The following ITGB6 variants were observed in gnomAD, a reference collection of about 807,000 sequenced individuals.
The protein encoded by ITGB6 is integrin subunit beta 6.
In ITGB6, 80 loss-of-function variants were observed where a neutral mutation model predicts 84.5. The observed-to-expected ratio is 0.95, with a 90% CI of 0.79 to 1.14. ITGB6 has a LOEUF of 1.14. Among genes scored for constraint, ITGB6 ranks in the 50% most tolerant of loss-of-function variants. The probability of loss-of-function intolerance (pLI) is 0.00; values close to 1 mark genes in which losing one functional copy is unlikely to be tolerated. For synonymous variants in ITGB6, 383 were observed against 354.9 expected, an observed-to-expected ratio of 1.08 and a Z score of -0.89; for missense variants, 1,006 against 968.0, an observed-to-expected ratio of 1.04 and a Z score of -0.52.
intron 12 of ITGB6, among the ~76,000 whole-genome samples, chr2:160,113,944 C>T (rs968362440): frequency 6.6e-6 from 1 of 152,150 alleles, no homozygotes; most frequent in African/African-American, 2.4e-5. Context: ...CTTTCCCCCT[C>T]TCTGTGGGAA....
chr2:160,187,522 T>C (rs946193606), intron 4 of ITGB6, among the ~76,000 whole-genome samples: 1 of 152,196 alleles, frequency 6.6e-6, no homozygotes, highest in African/African-American at 2.4e-5. Context: ...TTTCCAACTA[T>C]ATGTTTACAT....
chr2:160,174,772 A>G (rs1305449982), intron 4 of ITGB6, among the ~76,000 whole-genome samples: 1 of 152,244 alleles, frequency 6.6e-6, no homozygotes, highest in Non-Finnish European at 1.5e-5. Flanking sequence ...GAGTTCAGCC[A>G]CATCTTATTT....
intron 7 of ITGB6, among the ~76,000 whole-genome samples, chr2:160,146,080 T>A (rs2105830381): frequency 6.6e-6 from 1 of 152,308 alleles, no homozygotes; most frequent in South Asian, 2.1e-4. Context: ...TCAGTAGCCC[T>A]CATTTGATAT....
At chr2:160,114,062 T>C (rs775025724) in intron 12 of ITGB6, among the ~76,000 whole-genome samples, 1 of 152,054 alleles carries the variant, frequency 6.6e-6, no homozygotes, top group Non-Finnish European at 1.5e-5. Context: ...ATATTAACCA[T>C]GTTTTTAAAA....
intron 13 of ITGB6, among the ~76,000 whole-genome samples, chr2:160,109,318 C>T (rs1697030026): frequency 6.6e-6 from 1 of 152,184 alleles, no homozygotes; most frequent in Non-Finnish European, 1.5e-5. Flanking sequence ...TGAACCATAG[C>T]TGCCTCTAAT....
At chr2:160,108,198 G>A (rs796730126) in intron 13 of ITGB6, among the ~76,000 whole-genome samples, 1 of 143,228 alleles carries the variant, frequency 7.0e-6, no homozygotes, top group Non-Finnish European at 1.5e-5. Context: ...CTGAGTTCAC[G>A]ATAAAGCAGA....
intron 7 of ITGB6, among the ~76,000 whole-genome samples, chr2:160,148,198 T>C (rs938541896): frequency 2.0e-5 from 3 of 152,248 alleles, no homozygotes; most frequent in Admixed American, 2.0e-4. Flanking sequence ...AATAGGCATA[T>C]GAAAAGATGC....
intron 10 of ITGB6, among the ~76,000 whole-genome samples, chr2:160,131,128 T>C (rs759766326): frequency 6.6e-6 from 1 of 152,146 alleles, no homozygotes; most frequent in Non-Finnish European, 1.5e-5. Context: ...GACAAGATGA[T>C]AACCAAAGAT....
At chr2:160,195,989 T>G (rs912196998) in intron 3 of ITGB6, among the ~76,000 whole-genome samples, 2 of 152,214 alleles carry the variant, frequency 1.3e-5, no homozygotes, top group African/African-American at 4.8e-5. Context: ...TTTGAATAAT[T>G]TAAATGGTTA....
chr2:160,176,437 T>C (rs946581041), intron 4 of ITGB6, among the ~76,000 whole-genome samples: 2 of 152,186 alleles, frequency 1.3e-5, no homozygotes, highest in African/African-American at 4.8e-5. Context: ...TTCCAGGTAA[T>C]TTTTAAATTT....
intron 4 of ITGB6, among the ~76,000 whole-genome samples, chr2:160,175,288 A>C (rs534790226): frequency 6.6e-5 from 10 of 152,318 alleles, no homozygotes; most frequent in African/African-American, 2.4e-4. Flanking sequence ...CACAGATTCT[A>C]TATTTGTGAA....
At chr2:160,138,916 A>G (rs1683880202) in intron 8 of ITGB6, among the ~76,000 whole-genome samples, 2 of 152,254 alleles carry the variant, frequency 1.3e-5, no homozygotes, top group South Asian at 4.1e-4. Context: ...ACAATAGTCC[A>G]TGAAAACTAC....
intron 4 of ITGB6, among the ~76,000 whole-genome samples, chr2:160,182,686 A>G (rs1685730051): frequency 6.6e-6 from 1 of 152,178 alleles, no homozygotes; most frequent in Non-Finnish European, 1.5e-5. Flanking sequence ...CAAGACATAT[A>G]ATCATCAGAT....
chr2:160,178,752 T>C (rs893861729), intron 4 of ITGB6: 2 of 148,812 alleles, frequency 1.3e-5, no homozygotes, highest in African/African-American at 5.0e-5. Flanking sequence ...AATGCGGTTG[T>C]GGTGGCACAA....
intron 4 of ITGB6, among the ~76,000 whole-genome samples, chr2:160,184,164 C>A (rs1379815317): frequency 6.6e-6 from 1 of 152,070 alleles, no homozygotes; most frequent in East Asian, 1.9e-4. Context: ...ACACAAAAAA[C>A]CCTTCAAAAA....
chr2:160,115,667 A>T lies in ITGB6; in HGVS notation c.1982-3468T>A, dbSNP rs550030396. ...GTGGAACAAAGCTGGAGGGAGAATG[A>T]CTTTGATGAATTGAGAGAAGAAGGC... On this transcript the variant is annotated intron_variant, in intron 12 of 14. Transcript: ENST00000283249. Among the ~76,000 whole-genome samples the T allele has an allele frequency of 6.6e-5, 10 of 152,366 alleles. No individual in the cohort carries two copies. The East Asian group carries it at 1.7e-3, about 26-fold the overall frequency.
chr2:160,108,028 G>A (rs971489311), intron 13 of ITGB6, among the ~76,000 whole-genome samples, 183 bp from the exon 14 acceptor site: 2 of 152,070 alleles, frequency 1.3e-5, no homozygotes, highest in Admixed American at 6.6e-5. Flanking sequence ...ATTCCTCAAA[G>A]TAGAACAAAA....
chr2:160,116,557 A>T (rs1307425770), intron 12 of ITGB6, among the ~76,000 whole-genome samples: 2 of 152,212 alleles, frequency 1.3e-5, no homozygotes, highest in African/African-American at 2.4e-5. Context: ...CACTGCAAAA[A>T]CATGCCAAAA....
At position 160,137,661 on chromosome 2, in the gene ITGB6, AC is replaced by A; in HGVS notation, c.1432del (p.Val478CysfsTer20). On this transcript the variant is annotated frameshift_variant, in exon 10 of 15. Transcript: ENST00000283249. LOFTEE classifies it high-confidence loss of function. The stretch of plus-strand genomic sequence containing the variant: ...CATGTGGCCAGGGTGGCAGGCACAC[AC>A]CCCACACTGGAAAGAGCCGTTCCCG... ...HHGNGSFQCG[V>X]CACHPGHMGP... The A allele has an allele frequency of 1.9e-6, 3 of 1,614,022 alleles. No homozygotes were observed. Among genetic ancestry groups the A allele is most frequent in the Non-Finnish European group, 2.5e-6 (3 of 1,180,008 alleles).
Sources: allele counts gnomAD v4.1 joint callset (sites outside exome capture counted in the v4.1 genomes callset), GRCh38; gene constraint gnomAD v4.1.1; transcripts MANE v1.5; gene names NCBI Gene and HGNC (gene_info 2026-07-23, HGNC 2026-07-21).